Variants in SF3B1 observed in about 807,000 individuals in gnomAD.
SF3B1 encodes pre-mRNA processing 10.
Under a neutral mutation model 153.8 loss-of-function variants are expected in SF3B1, and 12 were observed. That is an observed-to-expected ratio of 0.08 (90% confidence interval 0.05 to 0.13). The LOEUF (loss-of-function observed/expected upper bound fraction) is 0.13. Ranked by LOEUF, SF3B1 falls within the 10% of genes least tolerant of loss-of-function variation. The probability of loss-of-function intolerance (pLI) is 1.00; values close to 1 mark genes in which losing one functional copy is unlikely to be tolerated. For synonymous variants in SF3B1, 498 were observed against 525.2 expected, an observed-to-expected ratio of 0.95 and a Z score of 0.71; for missense variants, 513 against 1,606.1, an observed-to-expected ratio of 0.32 and a Z score of 11.63.
At chr2:197,410,106 T>G in intron 6 of SF3B1, 99 bp from the exon 7 acceptor site, 2 of 733,204 alleles carry the variant, frequency 2.7e-6, no homozygotes, top group Non-Finnish European at 2.2e-6. Flanking sequence ...GTTTTAGTTC[T>G]ATGCACTATA....
intron 9 of SF3B1, among the ~76,000 whole-genome samples, chr2:197,405,779 C>A (rs1196472887): frequency 6.6e-6 from 1 of 152,028 alleles, no homozygotes; most frequent in Non-Finnish European, 1.5e-5. Flanking sequence ...ATTATAAAAT[C>A]TGAGTCAGCA....
chr2:197,424,299 A>T (rs147991985), intron 1 of SF3B1, among the ~76,000 whole-genome samples: 145 of 152,292 alleles, frequency 9.5e-4, no homozygotes, highest in African/African-American at 3.3e-3. Flanking sequence ...GGAGTTCGAG[A>T]CCAACCTGGC....
chr2:197,424,886 G>A (rs940336007), intron 1 of SF3B1, among the ~76,000 whole-genome samples: 3 of 152,222 alleles, frequency 2.0e-5, no homozygotes, highest in Non-Finnish European at 2.9e-5. Context: ...CTGGCCGGGC[G>A]CGGTGGTCCA....
chr2:197,417,588 AAAAAAAAG>A (rs2085169089), intron 5 of SF3B1, among the ~76,000 whole-genome samples: 1 of 150,818 alleles, frequency 6.6e-6, no homozygotes, highest in Admixed American at 6.6e-5. Flanking sequence ...AAAAAAAAAA[AAAAAAAAG>A]AAATATGAAA....
At position 197,418,611 on chromosome 2, in the gene SF3B1, G is replaced by GA. The variant is rs753210212; in HGVS notation, c.416-24dup. 1.5e-5 allele frequency: 24 copies of GA among 1,599,960 alleles called. No individual in the cohort carries two copies. The East Asian group carries it at 2.7e-4, about 18-fold the overall frequency. On this transcript the variant is annotated intron_variant, in intron 4 of 24. Transcript: ENST00000335508. ...CTCCTGCAGAAAAGAACAGCAACAG[G>GA]AAAAAGAGTACAATAAATAAAAAAT...
chr2:197,416,932 T>G (rs1219807517), intron 5 of SF3B1, 21 bp from the exon 6 acceptor site: 7 of 1,601,024 alleles, frequency 4.4e-6, no homozygotes, highest in Non-Finnish European at 5.1e-6. Flanking sequence ...CAGTGAGTAT[T>G]TACCTTTAAA....
intron 1 of SF3B1, among the ~76,000 whole-genome samples, chr2:197,424,323 A>AAC (rs2085296876): frequency 6.6e-6 from 1 of 152,096 alleles, no homozygotes; most frequent in African/African-American, 2.4e-5. Context: ...CATATAGCGA[A>AAC]ACCCCGTCTC....
At position 197,408,025 on chromosome 2, in the gene SF3B1, T is replaced by C; in HGVS notation, c.1212A>G (p.Leu404=). ...ERNRPLSDEE[L]DAMFPEGYKV... The stretch of plus-strand genomic sequence containing the variant: ...TATATCCTTCTGGGAACATAGCATC[T>C]AATTCCTCATCAGAAAGTGGGCGAT... The change falls in exon 9 of 25, where the codon TTA becomes TTG. Residue 404 remains leucine (L), a synonymous_variant. Transcript: ENST00000335508. 6 of 1,613,296 alleles carry C rather than the reference T, an allele frequency of 3.7e-6. No homozygotes were observed. The South Asian group carries it at 6.6e-5, about 18-fold the overall frequency.
intron 23 of SF3B1, among the ~76,000 whole-genome samples, chr2:197,394,720 A>G (rs2084855472): frequency 6.6e-6 from 1 of 152,196 alleles, no homozygotes; most frequent in South Asian, 2.1e-4. Flanking sequence ...CCTGGCTAAC[A>G]CGGTGAAACC....
intron 7 of SF3B1, among the ~76,000 whole-genome samples, chr2:197,409,286 C>G (rs767724547): frequency 2.6e-5 from 4 of 152,094 alleles, no homozygotes; most frequent in Non-Finnish European, 5.9e-5. Flanking sequence ...GTAATCCCAG[C>G]TACTCAGGAA....
chr2:197,414,708 G>A (rs1006417571), intron 6 of SF3B1, among the ~76,000 whole-genome samples: 1 of 152,128 alleles, frequency 6.6e-6, no homozygotes, highest in African/African-American at 2.4e-5. Context: ...GGGAAAGCAA[G>A]TACAAACAAC....
chr2:197,420,624 TA>T, intron 3 of SF3B1, 82 bp from the exon 4 acceptor site: 1 of 840,044 alleles, frequency 1.2e-6, no homozygotes, highest in Non-Finnish European at 1.9e-6. Context: ...CAGAACACCA[TA>T]AAGCACAAAT....
chr2:197,434,208 G>C (rs557023556), intron 1 of SF3B1, among the ~76,000 whole-genome samples: 11 of 152,266 alleles, frequency 7.2e-5, no homozygotes, highest in African/African-American at 2.6e-4. Flanking sequence ...TTTCTGAAAA[G>C]TGATCCCATT....
chr2:197,409,691 G>A, intron 7 of SF3B1, 79 bp downstream of exon 7: 2 of 1,130,038 alleles, frequency 1.8e-6, no homozygotes, highest in Non-Finnish European at 2.7e-6. Context: ...TGTCCACCCA[G>A]GAATAAACAG....
At position 197,390,435 on chromosome 2, in the gene SF3B1, T is replaced by A. The variant is rs935872068; in HGVS notation, c.*1868A>T. The A allele has an allele frequency of 5.2e-4, 79 of 152,210 alleles. No homozygotes were observed. The highest frequency in any genetic ancestry group is 1.8e-3 in the African/African-American group (75 of 41,450). The allele number at this position is 152,210 out of a possible 1,614,324, so 9.4% of individuals were successfully genotyped here. A position where few individuals can be genotyped will look rare whatever the true frequency, so the allele number is the denominator to read the frequency against. On this transcript the variant is annotated 3_prime_UTR_variant, in exon 25 of 25. Coordinates refer to ENST00000335508, the MANE Select transcript of SF3B1 (RefSeq NM_012433.4). ...CATCAACCATAGAGAGCAGTGAGATTTAAAGTTGCATGGAAGTACCGCTGA... is the reference window on the plus strand; with the variant it reads ...CATCAACCATAGAGAGCAGTGAGATATAAAGTTGCATGGAAGTACCGCTGA...
intron 11 of SF3B1, among the ~76,000 whole-genome samples, chr2:197,404,197 G>A (rs568260561): frequency 6.6e-6 from 1 of 152,274 alleles, no homozygotes; most frequent in South Asian, 2.1e-4. Context: ...GCTAACTCCA[G>A]CTGGGCACGG....
rs1296813287 is a variant in SF3B1, at chr2:197,401,824, T to C, written c.2288A>G (p.Asn763Ser). ...LIPLMDAEYA[N>S]YYTREVMLIL... ...TAACATCACTTCTCTAGTATAGTAG[T>C]TGGCATATTCTGCATCCATAAGAGG... Residue 763 changes from asparagine (N) to serine (S), a missense_variant, in exon 16 of 25, where the codon AAC becomes AGC. This residue lies in a region of SF3B1 where 50 missense variants were observed against 236.5 expected (regional missense o/e 0.21). Transcript: ENST00000335508. The surrounding 1 kb of genome is among the most constrained non-coding windows in gnomAD (Gnocchi z 4.2). The C allele has an allele frequency of 1.2e-6, 2 of 1,612,518 alleles. No individual in the cohort carries two copies. The highest frequency in any genetic ancestry group is 8.5e-7 in the Non-Finnish European group (1 of 1,179,176).
chr2:197,428,311 G>A (rs1323845698), intron 1 of SF3B1, among the ~76,000 whole-genome samples: 1 of 151,920 alleles, frequency 6.6e-6, no homozygotes, highest in Non-Finnish European at 1.5e-5. Flanking sequence ...TTAGAGCCAG[G>A]CCTTGCCTCT....
chr2:197,401,428 A>G lies in SF3B1; in HGVS notation c.2468T>C (p.Met823Thr). 6.2e-7 allele frequency: 1 copy of G among 1,611,326 alleles called. No homozygotes were observed. Among genetic ancestry groups the G allele is most frequent in the African/African-American group, 1.3e-5 (1 of 74,904 alleles). ...PFFKHFWQHR[M>T]ALDRRNYRQL... Reference sequence around the variant, plus strand: ...TCGGTAATTTCTTCTATCCAAAGCCATCCTGTGCTGCCAGAAGTGTTTAAA... The same window carrying G: ...TCGGTAATTTCTTCTATCCAAAGCCGTCCTGTGCTGCCAGAAGTGTTTAAA... Residue 823 changes from methionine (M) to threonine (T), a missense_variant, in exon 17 of 25, where the codon ATG (methionine) becomes ACG (threonine). Transcript: ENST00000335508. The surrounding 1 kb of genome is among the most constrained non-coding windows in gnomAD (Gnocchi z 4.2).
Sources: allele counts gnomAD v4.1 joint callset (sites outside exome capture counted in the v4.1 genomes callset), GRCh38; gene constraint gnomAD v4.1.1; regional missense constraint gnomAD v4.1.1; non-coding constraint Gnocchi (gnomAD v3.1); transcripts MANE v1.5; gene names NCBI Gene and HGNC (gene_info 2026-07-23, HGNC 2026-07-21).